The following FAT3 variants were observed in gnomAD, a reference collection of about 807,000 sequenced individuals.
FAT3 encodes protocadherin Fat 3.
A neutral mutation model predicts 310.2 loss-of-function variants in FAT3; 95 were observed. That is an observed-to-expected ratio of 0.31 (90% confidence interval 0.26 to 0.36). FAT3 has a LOEUF of 0.36. Ranked by LOEUF, FAT3 falls within the 10% of genes least tolerant of loss-of-function variation. The pLI is 1.00. For synonymous variants in FAT3, 2,314 were observed against 2,192.9 expected (o/e 1.06, Z -1.54); for missense variants, 5,408 against 5,715.6 (o/e 0.95, Z 1.74).
chr11:92,571,149 A>C (rs182029815), intron 3 of FAT3, among the ~76,000 whole-genome samples: 1 of 152,304 alleles, frequency 6.6e-6, no homozygotes, highest in Admixed American at 6.5e-5. Context: ...AGAGATCCTA[A>C]AGAGAGCCTA....
chr11:92,290,394 T>A (rs1946660112), intron 1 of FAT3, among the ~76,000 whole-genome samples: 1 of 152,158 alleles, frequency 6.6e-6, no homozygotes, highest in Non-Finnish European at 1.5e-5. Context: ...ATTGAATAAA[T>A]GAATGAATGC....
rs750644606 is a variant in FAT3, at chr11:92,801,558, G to A, written c.8545G>A (p.Val2849Ile). Residue 2849 changes from valine (V) to isoleucine (I), a missense_variant, in exon 10 of 28, where the codon GTC becomes ATC. By Grantham distance (29) the Val-to-Ile change is conservative. Around this residue, in one of 5 missense-constraint regions of FAT3, gnomAD observed 4,588 missense variants for 4,809.8 expected, o/e 0.95. Transcript: ENST00000525166. ...IDMDWGANGQVTYSLHSDSQP... is the reference protein window; with the variant it reads ...IDMDWGANGQITYSLHSDSQP... ...TATGGACTGGGGAGCCAATGGACAA[G>A]TCACTTACTCCCTCCACTCGGATTC... 6.2e-7 allele frequency: 1 copy of A among 1,608,336 alleles called. No individual in the cohort carries two copies. Among genetic ancestry groups the A allele is most frequent in the Non-Finnish European group, 8.5e-7 (1 of 1,177,138 alleles).
chr11:92,478,936 C>CTT, intron 2 of FAT3, among the ~76,000 whole-genome samples: 1 of 88,534 alleles, frequency 1.1e-5, no homozygotes, highest in Admixed American at 1.5e-4. Flanking sequence ...CTTTCCTTCT[C>CTT]TTTCTTTCTT....
chr11:92,528,775 GA>G (rs1200364812), intron 3 of FAT3, among the ~76,000 whole-genome samples: 3 of 152,164 alleles, frequency 2.0e-5, no homozygotes, highest in Non-Finnish European at 4.4e-5. Flanking sequence ...TAGGGCTTTG[GA>G]AGGTTTATTT....
chr11:92,370,185 C>T (rs1949146154), intron 2 of FAT3, among the ~76,000 whole-genome samples: 1 of 152,046 alleles, frequency 6.6e-6, no homozygotes, highest in Non-Finnish European at 1.5e-5. Flanking sequence ...TATAAATAAT[C>T]TAACTTATAA....
intron 2 of FAT3, among the ~76,000 whole-genome samples, chr11:92,477,179 C>G (rs1481294053): frequency 2.0e-5 from 3 of 152,164 alleles, no homozygotes; most frequent in Non-Finnish European, 2.9e-5. Flanking sequence ...ATTTAAAATA[C>G]TTTCCCACAG....
intron 6 of FAT3, among the ~76,000 whole-genome samples, chr11:92,771,834 C>T (rs966492183): frequency 4.6e-5 from 7 of 151,450 alleles, no homozygotes; most frequent in Admixed American, 2.0e-4. Context: ...AAAGCACACA[C>T]TCTATATGCC....
At chr11:92,650,829 C>T (rs989557969) in intron 3 of FAT3, among the ~76,000 whole-genome samples, 1 of 152,142 alleles carries the variant, frequency 6.6e-6, no homozygotes, top group Non-Finnish European at 1.5e-5. Flanking sequence ...AAATACTTAC[C>T]TTAAAGGGAT....
chr11:92,754,182 A>G (rs991258928), intron 4 of FAT3, among the ~76,000 whole-genome samples: 11 of 152,164 alleles, frequency 7.2e-5, no homozygotes, highest in South Asian at 2.1e-4. Context: ...ATTTTCCTAT[A>G]TAAAAACAAG....
At chr11:92,455,139 G>T (rs1204581932) in intron 2 of FAT3, among the ~76,000 whole-genome samples, 1 of 152,144 alleles carries the variant, frequency 6.6e-6, no homozygotes, top group Non-Finnish European at 1.5e-5. Flanking sequence ...TCCTCTGGGG[G>T]AATATCCCTG....
chr11:92,454,852 C>T (rs555285363), intron 2 of FAT3, among the ~76,000 whole-genome samples: 2 of 151,712 alleles, frequency 1.3e-5, no homozygotes, highest in South Asian at 2.1e-4. Context: ...TTTTTTTCCA[C>T]GTGCCAAGCC....
intron 19 of FAT3, among the ~76,000 whole-genome samples, chr11:92,845,999 T>C (rs1948674679): frequency 6.6e-6 from 1 of 152,200 alleles, no homozygotes; most frequent in Non-Finnish European, 1.5e-5. Context: ...TTGTTTAATA[T>C]GTAAATTAGC....
intron 3 of FAT3, among the ~76,000 whole-genome samples, chr11:92,611,830 CTTA>C (rs1166418311): frequency 1.3e-5 from 2 of 152,172 alleles, no homozygotes; most frequent in Non-Finnish European, 2.9e-5. Flanking sequence ...ATCTATACAA[CTTA>C]TAAGAAAGAA....
chr11:92,520,137 T>C (rs1355003946), intron 2 of FAT3, among the ~76,000 whole-genome samples: 1 of 151,904 alleles, frequency 6.6e-6, no homozygotes, highest in Non-Finnish European at 1.5e-5. Flanking sequence ...ACCGACACAA[T>C]GGAATATTAC....
chr11:92,330,896 T>A (rs1947901562), intron 1 of FAT3, among the ~76,000 whole-genome samples: 1 of 151,912 alleles, frequency 6.6e-6, no homozygotes, highest in South Asian at 2.1e-4. Context: ...CACATTGACT[T>A]TAGTTTGCAA....
chr11:92,884,985 A>G (rs1949765141), intron 24 of FAT3, among the ~76,000 whole-genome samples: 1 of 152,184 alleles, frequency 6.6e-6, no homozygotes. Context: ...CCAACAAAGA[A>G]AGAGGAGGGA....
chr11:92,342,985 G>T (rs901786925), intron 1 of FAT3, among the ~76,000 whole-genome samples: 1 of 152,022 alleles, frequency 6.6e-6, no homozygotes, highest in Non-Finnish European at 1.5e-5. Flanking sequence ...ATAGCCCCTG[G>T]TTGAATTACT....
chr11:92,555,345 T>A (rs1954981286), intron 3 of FAT3, among the ~76,000 whole-genome samples: 2 of 152,260 alleles, frequency 1.3e-5, no homozygotes, highest in African/African-American at 4.8e-5. Flanking sequence ...TAATATTATG[T>A]AACTTTGCAT....
At chr11:92,497,911 A>T (rs140397692) in intron 2 of FAT3, among the ~76,000 whole-genome samples, 16 of 152,126 alleles carry the variant, frequency 1.1e-4, no homozygotes, top group African/African-American at 3.9e-4. Flanking sequence ...ACACAAGAGA[A>T]TCTGGTTTTC....
Sources: allele counts gnomAD v4.1 joint callset (sites outside exome capture counted in the v4.1 genomes callset), GRCh38; gene constraint gnomAD v4.1.1; regional missense constraint gnomAD v4.1.1; transcripts MANE v1.5; gene names NCBI Gene and HGNC (gene_info 2026-07-23, HGNC 2026-07-21).